The following NPAS3 variants were observed in gnomAD, a reference collection of about 807,000 sequenced individuals.
NPAS3 encodes neuronal PAS domain protein 3.
Under a neutral mutation model 73.1 loss-of-function variants are expected in NPAS3, and 14 were observed. The ratio of observed to expected loss-of-function variants is 0.19; its 90% confidence interval spans 0.13 to 0.30. The LOEUF is 0.30. Ranked by LOEUF, NPAS3 falls within the 10% of genes least tolerant of loss-of-function variation. The pLI, the probability that NPAS3 is intolerant of heterozygous loss-of-function variation, is 1.00. For synonymous variants in NPAS3, 620 were observed against 541.5 expected (o/e 1.14, Z -2.01); for missense variants, 1,096 against 1,250.0 (o/e 0.88, Z 1.86).
At chr14:33,455,654 A>T (rs965960820) in intron 4 of NPAS3, among the ~76,000 whole-genome samples, 1 of 152,178 alleles carries the variant, frequency 6.6e-6, no homozygotes, top group African/African-American at 2.4e-5. Context: ...CACTGCCCTC[A>T]CCATTGCACA....
At chr14:33,188,613 A>G (rs2046063588) in intron 2 of NPAS3, among the ~76,000 whole-genome samples, 1 of 152,204 alleles carries the variant, frequency 6.6e-6, no homozygotes, top group Admixed American at 6.6e-5. Context: ...TGTATAGAAG[A>G]CAGTCAGTAC....
intron 3 of NPAS3, among the ~76,000 whole-genome samples, chr14:33,262,313 A>G (rs1656388639): frequency 6.6e-6 from 1 of 152,210 alleles, no homozygotes; most frequent in East Asian, 1.9e-4. Context: ...GTAAGCCAAG[A>G]AATAAGTGTA....
chr14:33,558,863 A>G (rs1034267766), intron 4 of NPAS3, among the ~76,000 whole-genome samples: 1 of 107,072 alleles, frequency 9.3e-6, no homozygotes, highest in African/African-American at 4.1e-5. Context: ...TTTTTTTTTT[A>G]ACACCACTCA....
intron 3 of NPAS3, among the ~76,000 whole-genome samples, chr14:33,314,758 A>T (rs1253727372): frequency 6.6e-6 from 1 of 152,016 alleles, no homozygotes; most frequent in Non-Finnish European, 1.5e-5. Context: ...TTACTATCTA[A>T]CCATTAGCAA....
At chr14:33,051,166 C>G (rs10151224) in intron 1 of NPAS3, among the ~76,000 whole-genome samples, 1 of 149,956 alleles carries the variant, frequency 6.7e-6, no homozygotes, top group Admixed American at 6.7e-5. Flanking sequence ...CCCAGCTACT[C>G]GGGAGGCTGA....
intron 6 of NPAS3, among the ~76,000 whole-genome samples, chr14:33,678,264 A>T (rs1270882463): frequency 6.6e-6 from 1 of 152,168 alleles, no homozygotes; most frequent in Non-Finnish European, 1.5e-5. Context: ...GTTCTCGTAG[A>T]TAGTTATGCC....
At chr14:33,596,757 T>C (rs1302580424) in intron 5 of NPAS3, among the ~76,000 whole-genome samples, 1 of 152,214 alleles carries the variant, frequency 6.6e-6, no homozygotes, top group Admixed American at 6.5e-5. Context: ...TGCTAGATAG[T>C]AACTGGATTG....
intron 5 of NPAS3, among the ~76,000 whole-genome samples, chr14:33,617,806 CA>C (rs910278484): frequency 2.0e-5 from 3 of 152,086 alleles, no homozygotes; most frequent in African/African-American, 7.2e-5. Context: ...TCTTAAAAGA[CA>C]AAGACCATTC....
intron 1 of NPAS3, among the ~76,000 whole-genome samples, chr14:33,042,388 G>A (rs371980115): frequency 6.6e-6 from 1 of 152,078 alleles, no homozygotes; most frequent in Non-Finnish European, 1.5e-5. Flanking sequence ...TTTCATAATG[G>A]GAAAGACGAA....
chr14:33,618,059 A>G (rs2057973384), intron 5 of NPAS3, among the ~76,000 whole-genome samples: 2 of 152,168 alleles, frequency 1.3e-5, no homozygotes, highest in Admixed American at 6.5e-5. Context: ...TCAATTATAT[A>G]TAAAGAAATT....
At chr14:33,029,784 A>G (rs2039928290) in intron 1 of NPAS3, among the ~76,000 whole-genome samples, 2 of 152,330 alleles carry the variant, frequency 1.3e-5, no homozygotes, top group South Asian at 4.1e-4. Context: ...GCCAAAACCA[A>G]AATGAGAAGA....
intron 4 of NPAS3, among the ~76,000 whole-genome samples, chr14:33,486,872 A>G (rs2051629450): frequency 6.6e-6 from 1 of 152,218 alleles, no homozygotes; most frequent in Admixed American, 6.5e-5. Flanking sequence ...GAGACAGAGA[A>G]TATCACTTTC....
At chr14:33,057,071 A>T (rs1170190653) in intron 2 of NPAS3, among the ~76,000 whole-genome samples, 2 of 129,708 alleles carry the variant, frequency 1.5e-5, no homozygotes, top group Admixed American at 7.7e-5. Flanking sequence ...TTCCATTTTT[A>T]AAAAATCAGA....
chr14:33,399,003 A>G (rs868078314), intron 4 of NPAS3, among the ~76,000 whole-genome samples: 1 of 152,070 alleles, frequency 6.6e-6, no homozygotes, highest in Non-Finnish European at 1.5e-5. Context: ...TGGTTAGACC[A>G]TTTATTTATG....
At chr14:32,955,358 A>T (rs2036633961) in intron 1 of NPAS3, among the ~76,000 whole-genome samples, 1 of 152,158 alleles carries the variant, frequency 6.6e-6, no homozygotes, top group Non-Finnish European at 1.5e-5. Flanking sequence ...CTTTCTCTGC[A>T]ATGGGACTAC....
chr14:33,184,069 T>C (rs2045898412), intron 2 of NPAS3, among the ~76,000 whole-genome samples: 1 of 152,186 alleles, frequency 6.6e-6, no homozygotes, highest in Non-Finnish European at 1.5e-5. Context: ...AGCATGGCAG[T>C]ACCCTGAGCT....
intron 4 of NPAS3, among the ~76,000 whole-genome samples, chr14:33,432,186 G>A (rs1346309900): frequency 2.0e-5 from 3 of 152,114 alleles, no homozygotes; most frequent in African/African-American, 7.2e-5. Flanking sequence ...ATTGTCAACT[G>A]TAGTTTCTAA....
chr14:33,669,258 C>T (rs1210271096), intron 5 of NPAS3, among the ~76,000 whole-genome samples: 1 of 152,208 alleles, frequency 6.6e-6, no homozygotes, highest in African/African-American at 2.4e-5. Context: ...CTAACAGCAT[C>T]CTTTTGCCTT....
At position 33,681,952 on chromosome 14, in the gene NPAS3, T is replaced by C. The variant is rs144422447; in HGVS notation, c.733+5567T>C. Among the ~76,000 whole-genome samples, 621 of 152,284 alleles carry C rather than the reference T, an allele frequency of 4.1e-3. 5 individuals are homozygous for C. Among genetic ancestry groups the C allele is most frequent in the African/African-American group, 0.014 (591 of 41,548 alleles). ...AAATTCTGAATACAAACAAACAGTG[T>C]AGTGACTAACTTAACATAGAAATGG... On this transcript the variant is annotated intron_variant, in intron 6 of 11. Transcript: ENST00000356141.
Sources: gnomAD v4.1 joint callset for allele counts (sites outside exome capture counted in the v4.1 genomes callset) on GRCh38, gnomAD v4.1.1 for gene constraint, MANE v1.5 for transcripts, NCBI Gene and HGNC (gene_info 2026-07-23, HGNC 2026-07-21) for gene names.